Variants in UGGT1 observed in about 807,000 individuals in gnomAD.
The protein encoded by UGGT1 is UDP-glucose:glycoprotein glucosyltransferase 1.
In UGGT1, 107 loss-of-function variants were observed where a neutral mutation model predicts 203.9. That is an observed-to-expected ratio of 0.52 (90% CI 0.45 to 0.62). The LOEUF is 0.62. UGGT1 is among the 20% of genes least tolerant of loss of function. UGGT1 has a pLI of 0.00. For synonymous variants in UGGT1, 628 were observed against 653.5 expected, an observed-to-expected ratio of 0.96 and a Z score of 0.59; for missense variants, 1,673 against 1,867.2, an observed-to-expected ratio of 0.90 and a Z score of 1.92.
intron 13 of UGGT1, among the ~76,000 whole-genome samples, chr2:128,131,596 AGTATT>A (rs1205146330): frequency 1.3e-5 from 2 of 151,832 alleles, no homozygotes; most frequent in Admixed American, 6.6e-5. Flanking sequence ...CTGGAACTAG[AGTATT>A]GTATTGTGTT....
intron 13 of UGGT1, 147 bp from the exon 14 acceptor site, chr2:128,132,994 A>G: frequency 1.0e-6 from 1 of 991,562 alleles, no homozygotes; most frequent in Non-Finnish European, 1.5e-6. Context: ...GATGTGAGCC[A>G]CTCACTGCAG....
chr2:128,100,033 CT>C (rs1558748217), intron 2 of UGGT1, among the ~76,000 whole-genome samples: 8,978 of 71,504 alleles, frequency 0.13, 1,026 homozygotes, highest in South Asian at 0.22. Context: ...CCCCCCCACC[CT>C]ACTTATTTTT....
Position 128,120,441 on chromosome 2 carries a change from G to C in UGGT1, c.958G>C (p.Val320Leu). 1.2e-6 allele frequency: 2 copies of C among 1,613,762 alleles called. No individual in the cohort carries two copies. The highest frequency in any genetic ancestry group is 2.2e-5 in the South Asian group (2 of 91,048). ...ESTNEMAPLKVWQLQDLSFQT... is the reference protein window; with the variant it reads ...ESTNEMAPLKLWQLQDLSFQT... The stretch of plus-strand genomic sequence containing the variant: ...CACCAATGAAATGGCACCTTTAAAG[G>C]TTTGGCAGTTGCAAGGTAATGAAAA... The change falls in exon 9 of 41, where the codon GTT becomes CTT. Residue 320 changes from valine (V) to leucine (L), a missense_variant. Val to Leu is a conservative substitution (Grantham distance 32). Coordinates refer to ENST00000259253, the MANE Select transcript of UGGT1 (RefSeq NM_020120.4).
chr2:128,123,281 A>G, intron 11 of UGGT1, 35 bp downstream of exon 11: 1 of 1,574,106 alleles, frequency 6.4e-7, no homozygotes, highest in Non-Finnish European at 8.7e-7. Context: ...CCTGTTTTGT[A>G]TTCTATCTTT....
At position 128,152,833 on chromosome 2, in the gene UGGT1, C is replaced by T. The variant is rs759792408; in HGVS notation, c.2066C>T (p.Pro689Leu). The stretch of plus-strand genomic sequence containing the variant: ...GTGGTAGAGTATATCATGAATCAGC[C>T]AAATGTTGTTCCACGAATCAATTCT... ...QDVVEYIMNQPNVVPRINSRI... is the reference protein window; with the variant it reads ...QDVVEYIMNQLNVVPRINSRI... Residue 689 changes from proline to leucine, a missense_variant, in exon 19 of 41, where the codon CCA becomes CTA. Pro to Leu is a moderately conservative substitution (Grantham distance 98). This residue lies in a region of UGGT1 where 1,073 missense variants were observed against 1,078.7 expected (regional missense o/e 0.99). Transcript: ENST00000259253. 11 of 1,613,766 alleles carry T rather than the reference C, an allele frequency of 6.8e-6. No homozygotes were observed. In the Middle Eastern group the frequency reaches 8.2e-4, roughly 121 times the overall value.
At chr2:128,135,730 T>TTATAACC (rs1689104091) in intron 15 of UGGT1, among the ~76,000 whole-genome samples, 1 of 152,166 alleles carries the variant, frequency 6.6e-6, no homozygotes, top group Non-Finnish European at 1.5e-5. Context: ...GTCCTACTGG[T>TTATAACC]TAGTTATAAG....
At position 128,097,497 on chromosome 2, in the gene UGGT1, G is replaced by T; in HGVS notation, c.127G>T (p.Asp43Tyr). 1 of 1,614,134 alleles carries T rather than the reference G, an allele frequency of 6.2e-7. No individual in the cohort carries two copies. Among genetic ancestry groups the T allele is most frequent in the South Asian group, 1.1e-5 (1 of 91,080 alleles). The stretch of plus-strand genomic sequence containing the variant: ...GTGGCTGTTCTCCTCAGTAAAGGCC[G>T]ACTCAAAAGCCATTACAACCTCTCT... ...VLWLFSSVKA[D>Y]SKAITTSLTT... Residue 43 changes from aspartate to tyrosine, a missense_variant, in exon 2 of 41, where the codon GAC becomes TAC. By Grantham distance (160) the Asp-to-Tyr change is radical. Transcript: ENST00000259253.
Position 128,173,360 on chromosome 2 carries a change from T to TA in UGGT1, c.3295-420dup, listed in dbSNP as rs1364519855. 2.0e-5 allele frequency among the ~76,000 whole-genome samples: 3 copies of TA among 152,366 alleles called. No homozygotes were observed. In the East Asian group the frequency reaches 5.8e-4, roughly 29 times the overall value. On this transcript the variant is annotated intron_variant, in intron 29 of 40. Coordinates refer to ENST00000259253, the MANE Select transcript of UGGT1 (RefSeq NM_020120.4). ...TGTTGTGTGCAAGTTTTTCTACTGATACGTGAGTACAGGATGTCTTTGCAT... is the reference window on the plus strand; with the variant it reads ...TGTTGTGTGCAAGTTTTTCTACTGATAACGTGAGTACAGGATGTCTTTGCAT...
intron 29 of UGGT1, 36 bp from the exon 30 acceptor site, chr2:128,173,745 C>CT (rs1213964816): frequency 1.9e-6 from 3 of 1,607,764 alleles, no homozygotes; most frequent in Non-Finnish European, 2.6e-6. Context: ...CATGTTGTCT[C>CT]TGAGTGCATT....
At chr2:128,137,576 G>C (rs929784535) in intron 15 of UGGT1, among the ~76,000 whole-genome samples, 2 of 152,212 alleles carry the variant, frequency 1.3e-5, no homozygotes, top group Non-Finnish European at 2.9e-5. Context: ...AATTAACCAA[G>C]TGTTGTCTTT....
intron 1 of UGGT1, among the ~76,000 whole-genome samples, chr2:128,092,096 A>G (rs997056168): frequency 2.0e-5 from 3 of 152,182 alleles, no homozygotes; most frequent in Non-Finnish European, 4.4e-5. Context: ...GGAAACATTC[A>G]TTGATGTACT....
rs1692358853 is a variant in UGGT1, at chr2:128,193,225, G to A, written c.*3483G>A. On this transcript the variant is annotated 3_prime_UTR_variant, in exon 41 of 41. Transcript: ENST00000259253. ...AAAATTAAAACAGTTTCCATAAATG[G>A]AGCTTAATTTGCTCTGCTGTCCTTA... 1 of 149,936 alleles carries A rather than the reference G, an allele frequency of 6.7e-6. No individual in the cohort carries two copies. The highest frequency in any genetic ancestry group is 1.5e-5 in the Non-Finnish European group (1 of 67,716). 9.3% of individuals were successfully genotyped at this position (149,936 alleles called of 1,614,324 possible).
chr2:128,132,284 A>G (rs1688915870), intron 13 of UGGT1, among the ~76,000 whole-genome samples: 1 of 149,392 alleles, frequency 6.7e-6, no homozygotes, highest in Non-Finnish European at 1.5e-5. Flanking sequence ...GCTGTGGCTC[A>G]CACCTGTAAT....
chr2:128,177,695 G>C (rs1218984067), intron 32 of UGGT1, 137 bp from the exon 33 acceptor site: 2 of 628,066 alleles, frequency 3.2e-6, no homozygotes, highest in Admixed American at 6.5e-5. Flanking sequence ...CTAGACTCTG[G>C]GTGGGGTTGT....
At chr2:128,163,922 T>G (rs1223301463) in intron 25 of UGGT1, among the ~76,000 whole-genome samples, 1 of 152,182 alleles carries the variant, frequency 6.6e-6, no homozygotes, top group Non-Finnish European at 1.5e-5. Flanking sequence ...CTCACACCTG[T>G]AATCCCAGCA....
chr2:128,143,333 T>A, intron 17 of UGGT1, 108 bp downstream of exon 17: 1 of 1,236,498 alleles, frequency 8.1e-7, no homozygotes, highest in Non-Finnish European at 1.1e-6. Context: ...AGTGTTTCAG[T>A]ACTTAGCATT....
chr2:128,108,990 A>G (rs6430982), intron 4 of UGGT1, among the ~76,000 whole-genome samples: 135,403 of 151,920 alleles, frequency 0.89, 61,296 homozygotes, highest in Non-Finnish European at 0.98. Context: ...GCTCACTGCA[A>G]CCTCCACCTC....
At chr2:128,097,353 C>T (rs183679090) in intron 1 of UGGT1, 76 bp from the exon 2 acceptor site, 30 of 1,514,420 alleles carry the variant, frequency 2.0e-5, no homozygotes, top group East Asian at 4.6e-5. Context: ...CCAGCCTGGG[C>T]GACAGGGCGA....
chr2:128,119,138 T>C (rs1406450474), intron 8 of UGGT1, among the ~76,000 whole-genome samples: 1 of 152,234 alleles, frequency 6.6e-6, no homozygotes, highest in Non-Finnish European at 1.5e-5. Context: ...GAACATTTAC[T>C]TTGATGTCAT....
Sources: gnomAD v4.1 joint callset for allele counts (sites outside exome capture counted in the v4.1 genomes callset) on GRCh38, gnomAD v4.1.1 for gene constraint, gnomAD v4.1.1 regional missense constraint, MANE v1.5 for transcripts, NCBI Gene and HGNC (gene_info 2026-07-23, HGNC 2026-07-21) for gene names.